DCC: variants seen among roughly 807,000 people sequenced by gnomAD.
The protein encoded by DCC is netrin receptor DCC.
In DCC, 58 loss-of-function variants were observed where a neutral mutation model predicts 172.5. That is an observed-to-expected ratio of 0.34 (90% CI 0.27 to 0.42). The LOEUF is 0.42. Among genes scored for constraint, DCC ranks in the 10% least tolerant of loss-of-function variants. The probability of loss-of-function intolerance (pLI) is 1.00; values close to 1 mark genes in which losing one functional copy is unlikely to be tolerated. For synonymous variants in DCC, 709 were observed against 644.5 expected, an observed-to-expected ratio of 1.10 and a Z score of -1.52; for missense variants, 1,740 against 1,791.0, an observed-to-expected ratio of 0.97 and a Z score of 0.51.
At chr18:52,626,208 A>G (rs554660562) in intron 1 of DCC, among the ~76,000 whole-genome samples, 26 of 152,242 alleles carry the variant, frequency 1.7e-4, no homozygotes, top group African/African-American at 5.8e-4. Context: ...CCAGAGCACA[A>G]TTCTTTATTT....
At chr18:52,704,787 C>A in intron 1 of DCC, among the ~76,000 whole-genome samples, 1 of 152,168 alleles carries the variant, frequency 6.6e-6, no homozygotes, top group East Asian at 1.9e-4. Context: ...CTTGGTTTAA[C>A]TGATGCCTTT....
intron 7 of DCC, among the ~76,000 whole-genome samples, chr18:53,155,608 CAG>C (rs1163520145): frequency 7.2e-5 from 11 of 152,202 alleles, no homozygotes; most frequent in Non-Finnish European, 1.5e-4. Flanking sequence ...GTGAATAATT[CAG>C]AGTTGTTCTT....
At chr18:52,368,487 C>T (rs545550963) in intron 1 of DCC, among the ~76,000 whole-genome samples, 1 of 152,284 alleles carries the variant, frequency 6.6e-6, no homozygotes, top group African/African-American at 2.4e-5. Context: ...TCCTTAGCTC[C>T]CTATGCGTCA....
At chr18:52,466,249 G>A (rs1568182953) in intron 1 of DCC, among the ~76,000 whole-genome samples, 1 of 152,122 alleles carries the variant, frequency 6.6e-6, no homozygotes. Flanking sequence ...ATGCGGCAGG[G>A]GGCCACGAAG....
chr18:53,409,551 T>G (rs1227855957), intron 19 of DCC, among the ~76,000 whole-genome samples: 7 of 152,134 alleles, frequency 4.6e-5, no homozygotes, highest in African/African-American at 1.7e-4. Flanking sequence ...CAATATAATA[T>G]AAAAGTTGTT....
chr18:52,952,218 CT>C (rs2040659997), intron 5 of DCC, among the ~76,000 whole-genome samples: 1 of 151,862 alleles, frequency 6.6e-6, no homozygotes, highest in Admixed American at 6.6e-5. Flanking sequence ...TTAATGTTTT[CT>C]TTTTCTGAAT....
intron 1 of DCC, among the ~76,000 whole-genome samples, chr18:52,387,514 A>G (rs940105634): frequency 6.6e-6 from 1 of 152,028 alleles, no homozygotes; most frequent in Non-Finnish European, 1.5e-5. Flanking sequence ...CAGAGACACC[A>G]GCTTCCTTTA....
chr18:52,395,275 C>T (rs1986179382), intron 1 of DCC, among the ~76,000 whole-genome samples: 1 of 152,020 alleles, frequency 6.6e-6, no homozygotes, highest in Admixed American at 6.6e-5. Flanking sequence ...TTTATTGTGT[C>T]TAAAGACAAT....
At chr18:53,175,824 CTACTT>C (rs1456617721) in intron 8 of DCC, among the ~76,000 whole-genome samples, 1 of 151,670 alleles carries the variant, frequency 6.6e-6, no homozygotes, top group African/African-American at 2.4e-5. Flanking sequence ...TTGGAAAAAA[CTACTT>C]TAAAGTTCAT....
intron 27 of DCC, among the ~76,000 whole-genome samples, chr18:53,525,422 T>G (rs1316737555): frequency 6.6e-6 from 1 of 152,082 alleles, no homozygotes; most frequent in Non-Finnish European, 1.5e-5. Flanking sequence ...AATTGCAGAC[T>G]TTTGATCCCT....
chr18:52,461,920 G>A (rs543600723), intron 1 of DCC, among the ~76,000 whole-genome samples: 4 of 152,284 alleles, frequency 2.6e-5, no homozygotes, highest in East Asian at 3.9e-4. Flanking sequence ...AAAACCCAGC[G>A]CCTTATCTTC....
intron 5 of DCC, among the ~76,000 whole-genome samples, chr18:53,053,823 G>C (rs2042366669): frequency 6.6e-6 from 1 of 152,104 alleles, no homozygotes; most frequent in African/African-American, 2.4e-5. Flanking sequence ...CTTAAATCTT[G>C]TTTTCCTTAA....
At chr18:52,582,459 C>A (rs926627518) in intron 1 of DCC, among the ~76,000 whole-genome samples, 1 of 152,120 alleles carries the variant, frequency 6.6e-6, no homozygotes, top group Non-Finnish European at 1.5e-5. Context: ...CAGGGGAGTT[C>A]TTGTGGAAAT....
chr18:53,000,815 G>A lies in DCC; in HGVS notation c.986-62490G>A, dbSNP rs893464797. 5.3e-5 allele frequency among the ~76,000 whole-genome samples: 8 copies of A among 151,456 alleles called. No individual in the cohort carries two copies. The South Asian group carries it at 6.3e-4, about 12-fold the overall frequency. On this transcript the variant is annotated intron_variant, in intron 5 of 28. Transcript: ENST00000442544. ...TTCAAGGTGGTAGTTAAGCACAACC[G>A]GTATTAAAATTAAATTATATAAACT...
chr18:52,620,893 C>T (rs528968325), intron 1 of DCC, among the ~76,000 whole-genome samples: 2 of 152,154 alleles, frequency 1.3e-5, no homozygotes, highest in Non-Finnish European at 2.9e-5. Flanking sequence ...ATATGCTGAA[C>T]GCTAGTTACT....
At chr18:52,406,348 T>G (rs1275927093) in intron 1 of DCC, among the ~76,000 whole-genome samples, 1 of 151,130 alleles carries the variant, frequency 6.6e-6, no homozygotes, top group Non-Finnish European at 1.5e-5. Context: ...AAAGAGCTTC[T>G]GCACGGCAAA....
chr18:52,644,578 CAAAA>C (rs34472651), intron 1 of DCC, among the ~76,000 whole-genome samples: 2 of 112,992 alleles, frequency 1.8e-5, no homozygotes, highest in African/African-American at 3.4e-5. Flanking sequence ...GACTCCGTCT[CAAAA>C]AAAAAAAAAA....
chr18:53,119,567 A>G (rs2043454357), intron 7 of DCC, among the ~76,000 whole-genome samples: 2 of 152,044 alleles, frequency 1.3e-5, no homozygotes, highest in Admixed American at 6.6e-5. Context: ...ATTTCTTATT[A>G]AAACATTTTA....
At chr18:53,044,890 T>C (rs2042215701) in intron 5 of DCC, among the ~76,000 whole-genome samples, 1 of 151,886 alleles carries the variant, frequency 6.6e-6, no homozygotes, top group Non-Finnish European at 1.5e-5. Flanking sequence ...GGCATAAGTA[T>C]GGCTATAGAA....
Sources: gnomAD v4.1 joint callset for allele counts (sites outside exome capture counted in the v4.1 genomes callset) on GRCh38, gnomAD v4.1.1 for gene constraint, MANE v1.5 for transcripts, NCBI Gene and HGNC (gene_info 2026-07-23, HGNC 2026-07-21) for gene names.